Variants in KCNN2 observed in about 807,000 individuals in gnomAD.
KCNN2 encodes small conductance calcium-activated potassium channel protein 2.
A neutral mutation model predicts 55.5 loss-of-function variants in KCNN2; 24 were observed. That is an observed-to-expected ratio of 0.43 (90% CI 0.31 to 0.61). KCNN2 has a LOEUF of 0.61. Among genes scored for constraint, KCNN2 ranks in the 20% least tolerant of loss-of-function variants. The pLI is 0.08. For missense variants in KCNN2, 754 were observed against 853.6 expected (o/e 0.88, Z 1.45); for synonymous variants, 431 against 336.1 (o/e 1.28, Z -3.09).
chr5:114,168,291 G>T (rs373518987), intron 1 of KCNN2, among the ~76,000 whole-genome samples: 2 of 151,790 alleles, frequency 1.3e-5, no homozygotes, highest in South Asian at 4.2e-4. Context: ...ATCATTCTCT[G>T]TGCTAATACC....
intron 1 of KCNN2, among the ~76,000 whole-genome samples, chr5:114,210,239 G>C (rs899221448): frequency 2.0e-5 from 3 of 152,070 alleles, no homozygotes; most frequent in Non-Finnish European, 4.4e-5. Context: ...CTTCATTCAG[G>C]CATGAGTTCT....
At chr5:114,065,640 T>A (rs534679754) in intron 1 of KCNN2, among the ~76,000 whole-genome samples, 1 of 152,242 alleles carries the variant, frequency 6.6e-6, no homozygotes, top group South Asian at 2.1e-4. Flanking sequence ...AACTAAACAC[T>A]TTCTGTGGAC....
chr5:114,463,430 T>TTTGA (rs1761299877), intron 4 of KCNN2, among the ~76,000 whole-genome samples: 1 of 152,238 alleles, frequency 6.6e-6, no homozygotes, highest in Non-Finnish European at 1.5e-5. Flanking sequence ...CATGCACTAA[T>TTTGA]TTGATAAACT....
At chr5:114,334,025 CAT>C (rs1037118482) in intron 2 of KCNN2, among the ~76,000 whole-genome samples, 11 of 152,306 alleles carry the variant, frequency 7.2e-5, no homozygotes, top group African/African-American at 2.4e-4. Flanking sequence ...GATTTCTTCA[CAT>C]GTTTTGTGGG....
chr5:114,278,679 C>T (rs1175305192), intron 2 of KCNN2, among the ~76,000 whole-genome samples: 3 of 152,224 alleles, frequency 2.0e-5, no homozygotes, highest in Non-Finnish European at 4.4e-5. Flanking sequence ...CCAAGCCAGG[C>T]ACAGGAGGGA....
intron 1 of KCNN2, among the ~76,000 whole-genome samples, chr5:114,207,338 T>C (rs1164832927): frequency 6.6e-6 from 1 of 152,190 alleles, no homozygotes; most frequent in Non-Finnish European, 1.5e-5. Flanking sequence ...ATCTTATCCT[T>C]CTGAGATGCA....
intron 1 of KCNN2, among the ~76,000 whole-genome samples, chr5:114,218,648 G>C (rs948270420): frequency 2.6e-5 from 4 of 152,184 alleles, no homozygotes; most frequent in African/African-American, 9.7e-5. Context: ...TCTGTTTAAT[G>C]GTGGGCATAT....
intron 3 of KCNN2, among the ~76,000 whole-genome samples, chr5:114,429,286 T>C (rs1254394912): frequency 6.6e-6 from 1 of 152,096 alleles, no homozygotes; most frequent in African/African-American, 2.4e-5. Context: ...GATACCACTA[T>C]GTATCTATTA....
intron 6 of KCNN2, among the ~76,000 whole-genome samples, chr5:114,491,534 A>T (rs1425132629): frequency 7.3e-6 from 1 of 137,910 alleles, no homozygotes; most frequent in Admixed American, 7.3e-5. Flanking sequence ...TTAAAAAAAG[A>T]AAAAAAAAAA....
chr5:114,136,986 G>T (rs1300441141), intron 1 of KCNN2, among the ~76,000 whole-genome samples: 1 of 152,136 alleles, frequency 6.6e-6, no homozygotes. Flanking sequence ...CCTGAGCTCT[G>T]TGCCCACATT....
intron 2 of KCNN2, among the ~76,000 whole-genome samples, chr5:114,350,770 G>T (rs1757192110): frequency 6.6e-6 from 1 of 151,786 alleles, no homozygotes; most frequent in African/African-American, 2.4e-5. Flanking sequence ...AGTCATAAAT[G>T]TAAAGGTTTA....
intron 1 of KCNN2, among the ~76,000 whole-genome samples, chr5:114,107,543 C>A (rs1309190697): frequency 6.7e-6 from 1 of 150,080 alleles, no homozygotes; most frequent in African/African-American, 2.5e-5. Flanking sequence ...CACAACCATG[C>A]CTGGCTAATT....
intron 1 of KCNN2, among the ~76,000 whole-genome samples, chr5:114,115,443 G>A (rs1751691422): frequency 6.6e-6 from 1 of 152,070 alleles, no homozygotes; most frequent in Non-Finnish European, 1.5e-5. Context: ...AATGGCATTT[G>A]ATTATATAAG....
chr5:114,428,921 C>G (rs1033086174), intron 3 of KCNN2, among the ~76,000 whole-genome samples: 133 of 152,040 alleles, frequency 8.7e-4, no homozygotes, highest in Middle Eastern at 3.4e-3. Flanking sequence ...CTTTTTAATG[C>G]TAAATAATCC....
chr5:114,151,383 C>T (rs941824454), intron 1 of KCNN2, among the ~76,000 whole-genome samples: 12 of 152,150 alleles, frequency 7.9e-5, no homozygotes, highest in African/African-American at 2.2e-4. Flanking sequence ...CTCATTCCAC[C>T]GTCCTGCCAC....
chr5:114,219,033 A>G (rs1417301923), intron 1 of KCNN2, among the ~76,000 whole-genome samples: 2 of 152,138 alleles, frequency 1.3e-5, no homozygotes, highest in Non-Finnish European at 2.9e-5. Context: ...GGCTCACCAC[A>G]CTCAACTCCT....
rs546987173 is a variant in KCNN2 at position 114,170,283 on chromosome 5, A to G, written c.-270-51197A>G. Among the ~76,000 whole-genome samples the G allele has an allele frequency of 2.0e-5, 3 of 152,206 alleles. No individual in the cohort carries two copies. The East Asian group carries it at 5.8e-4, about 29-fold the overall frequency. Reference sequence around the variant, plus strand: ...GGTCCAATCATTCATTTACCTCACAATATATTTTACAACTAAATGATTTTT... The same window carrying G: ...GGTCCAATCATTCATTTACCTCACAGTATATTTTACAACTAAATGATTTTT... On this transcript the variant is annotated intron_variant, in intron 1 of 10. Transcript: ENST00000512097.
intron 1 of KCNN2, among the ~76,000 whole-genome samples, chr5:114,128,815 G>T (rs181568401): frequency 6.6e-6 from 1 of 152,158 alleles, no homozygotes; most frequent in Non-Finnish European, 1.5e-5. Flanking sequence ...CAGTAAATCT[G>T]CATGTTATTT....
intron 2 of KCNN2, among the ~76,000 whole-genome samples, chr5:114,390,272 G>C (rs1758415558): frequency 6.6e-6 from 1 of 151,940 alleles, no homozygotes; most frequent in African/African-American, 2.4e-5. Flanking sequence ...ATTTATGATT[G>C]GTTCCCCATC....
Sources: allele counts gnomAD v4.1 joint callset (sites outside exome capture counted in the v4.1 genomes callset), GRCh38; gene constraint gnomAD v4.1.1; transcripts MANE v1.5; gene names NCBI Gene and HGNC (gene_info 2026-07-23, HGNC 2026-07-21).